Variants in KIAA1549L observed in about 807,000 individuals in gnomAD.
KIAA1549L encodes UPF0606 protein KIAA1549L.
A neutral mutation model predicts 160.7 loss-of-function variants in KIAA1549L; 88 were observed. The ratio of observed to expected loss-of-function variants is 0.55; its 90% CI spans 0.46 to 0.65. The LOEUF is 0.65. Ranked by LOEUF, KIAA1549L falls within the 30% of genes least tolerant of loss-of-function variation. The pLI is 0.00. For missense variants in KIAA1549L, 2,258 were observed against 2,437.5 expected (o/e 0.93, Z 1.55); for synonymous variants, 950 against 976.7 (o/e 0.97, Z 0.51).
At chr11:33,549,747 T>G (rs1382104648) in intron 4 of KIAA1549L, among the ~76,000 whole-genome samples, 1 of 152,176 alleles carries the variant, frequency 6.6e-6, no homozygotes, top group Admixed American at 6.5e-5. Flanking sequence ...TTCATGCCTA[T>G]AATCCCAACA....
intron 11 of KIAA1549L, 107 bp downstream of exon 11, chr11:33,583,608 A>AG (rs1855717337): frequency 2.0e-6 from 2 of 1,006,956 alleles, no homozygotes; most frequent in Non-Finnish European, 2.9e-6. Flanking sequence ...CAGAAACATC[A>AG]GGGCAGGTCC....
At chr11:33,593,329 C>T (rs188827990) in intron 12 of KIAA1549L, among the ~76,000 whole-genome samples, 1 of 152,240 alleles carries the variant, frequency 6.6e-6, no homozygotes, top group Non-Finnish European at 1.5e-5. Flanking sequence ...GTCACAGCTA[C>T]TGGGGAGGCT....
chr11:33,378,594 C>G (rs1386202535), intron 1 of KIAA1549L, among the ~76,000 whole-genome samples: 5 of 152,312 alleles, frequency 3.3e-5, no homozygotes, highest in Middle Eastern at 3.4e-3. Context: ...ATGTTCCTCC[C>G]CAGAGTCCTC....
chr11:33,634,712 C>T lies in KIAA1549L; in HGVS notation c.5410-10974C>T, dbSNP rs906663861. Among the ~76,000 whole-genome samples the T allele has an allele frequency of 3.3e-5, 5 of 152,032 alleles. No homozygotes were observed. The East Asian group carries it at 9.6e-4, about 29-fold the overall frequency. ...GCACCTTCTTTTATCCTTGTCTGTCCCATCTTCATAGTCTCAGTGGAGACT... is the reference window on the plus strand; with the variant it reads ...GCACCTTCTTTTATCCTTGTCTGTCTCATCTTCATAGTCTCAGTGGAGACT... On this transcript the variant is annotated intron_variant, in intron 16 of 20. Transcript: ENST00000658780.
intron 1 of KIAA1549L, among the ~76,000 whole-genome samples, chr11:33,408,379 T>C (rs568391192): frequency 3.4e-4 from 51 of 151,894 alleles, no homozygotes; most frequent in African/African-American, 1.1e-3. Flanking sequence ...TGTTTCCCCA[T>C]CAGCAAAATT....
At chr11:33,418,623 A>G (rs1159799251) in intron 1 of KIAA1549L, among the ~76,000 whole-genome samples, 1 of 152,176 alleles carries the variant, frequency 6.6e-6, no homozygotes, top group Non-Finnish European at 1.5e-5. Context: ...ATAGGCAGCG[A>G]GGGACCACAG....
chr11:33,380,606 T>C (rs770649353), intron 1 of KIAA1549L, among the ~76,000 whole-genome samples: 15 of 152,188 alleles, frequency 9.9e-5, no homozygotes, highest in Admixed American at 3.3e-4. Flanking sequence ...TCTGTCTTGA[T>C]GATCTAATAT....
intron 1 of KIAA1549L, among the ~76,000 whole-genome samples, chr11:33,425,913 C>T (rs1025768961): frequency 2.6e-5 from 4 of 152,180 alleles, no homozygotes; most frequent in African/African-American, 9.7e-5. Flanking sequence ...AAACACCAGA[C>T]AAACCCAAAT....
At chr11:33,476,238 G>A (rs1366661659) in intron 1 of KIAA1549L, among the ~76,000 whole-genome samples, 2 of 152,170 alleles carry the variant, frequency 1.3e-5, no homozygotes, top group African/African-American at 2.4e-5. Context: ...TGAGTGCATA[G>A]GCCATGCTGA....
intron 15 of KIAA1549L, among the ~76,000 whole-genome samples, chr11:33,617,582 T>C (rs553283345): frequency 1.2e-3 from 180 of 152,314 alleles, no homozygotes; most frequent in Non-Finnish European, 2.2e-3. Flanking sequence ...TCATCCTATC[T>C]AAAGTTGTCT....
chr11:33,571,145 T>C (rs1016469035), intron 9 of KIAA1549L, among the ~76,000 whole-genome samples: 75 of 152,308 alleles, frequency 4.9e-4, no homozygotes, highest in East Asian at 3.9e-4. Context: ...TAGCTGGGCA[T>C]GGTGGTGCAC....
intron 15 of KIAA1549L, among the ~76,000 whole-genome samples, chr11:33,614,582 ATATT>A (rs1850756978): frequency 7.0e-4 from 4 of 5,708 alleles, no homozygotes; most frequent in East Asian, 5.2e-3. Context: ...ATATATATAT[ATATT>A]TTTTTTTTTT....
At chr11:33,550,104 GA>G (rs1024535319) in intron 4 of KIAA1549L, among the ~76,000 whole-genome samples, 51 of 150,674 alleles carry the variant, frequency 3.4e-4, no homozygotes, top group African/African-American at 1.2e-3. Flanking sequence ...AAGAGTTCTG[GA>G]AATGGATAGT....
chr11:33,630,797 G>A (rs1851264788), intron 16 of KIAA1549L, among the ~76,000 whole-genome samples: 1 of 152,164 alleles, frequency 6.6e-6, no homozygotes, highest in Non-Finnish European at 1.5e-5. Flanking sequence ...GGCCATCTTG[G>A]CTCCTCCCGA....
At chr11:33,525,273 G>A (rs753470260) in intron 1 of KIAA1549L, among the ~76,000 whole-genome samples, 1 of 152,194 alleles carries the variant, frequency 6.6e-6, no homozygotes, top group Non-Finnish European at 1.5e-5. Context: ...GGAAAAGTTG[G>A]TCTCTGACAC....
chr11:33,598,190 T>G (rs61888326), intron 12 of KIAA1549L, among the ~76,000 whole-genome samples: 365 of 135,188 alleles, frequency 2.7e-3, no homozygotes, highest in Non-Finnish European at 4.5e-3. Context: ...GAGAGAATGT[T>G]TGTGTGTGTG....
intron 16 of KIAA1549L, among the ~76,000 whole-genome samples, chr11:33,637,154 G>A (rs1263906476): frequency 6.6e-6 from 1 of 152,140 alleles, no homozygotes; most frequent in Non-Finnish European, 1.5e-5. Context: ...CCTCTTGTTG[G>A]TAAAGAGTCT....
At chr11:33,565,948 G>A (rs1179234370) in intron 8 of KIAA1549L, among the ~76,000 whole-genome samples, 28 of 152,090 alleles carry the variant, frequency 1.8e-4, no homozygotes, top group Admixed American at 1.8e-3. Flanking sequence ...AGGAGGTCGG[G>A]GCTGCAGAGT....
At chr11:33,435,800 A>ATGTGTGTGTGTGTGTGTGTGTGTGTG (rs1309350867) in intron 1 of KIAA1549L, among the ~76,000 whole-genome samples, 1 of 12,884 alleles carries the variant, frequency 7.8e-5, no homozygotes, top group Admixed American at 1.4e-3. Flanking sequence ...ATATATATAT[A>ATGTGTGTGTGTGTGTGTGTGTGTGTG]TATATATATA....
Sources: gnomAD v4.1 joint callset for allele counts (sites outside exome capture counted in the v4.1 genomes callset) on GRCh38, gnomAD v4.1.1 for gene constraint, MANE v1.5 for transcripts, NCBI Gene and HGNC (gene_info 2026-07-23, HGNC 2026-07-21) for gene names.